GRID2: variants seen among roughly 807,000 people sequenced by gnomAD.
GRID2 encodes glutamate receptor ionotropic, delta-2.
In GRID2, 33 loss-of-function variants were observed where a neutral mutation model predicts 114.8. That is an observed-to-expected ratio of 0.29 (90% CI 0.22 to 0.38). The LOEUF (loss-of-function observed/expected upper bound fraction) is 0.38. GRID2 is among the 10% of genes least tolerant of loss of function. The probability of loss-of-function intolerance (pLI) is 1.00; values close to 1 mark genes in which losing one functional copy is unlikely to be tolerated. For missense variants in GRID2, 1,184 were observed against 1,257.7 expected (o/e 0.94, Z 0.89); for synonymous variants, 505 against 449.9 (o/e 1.12, Z -1.55).
intron 2 of GRID2, among the ~76,000 whole-genome samples, chr4:92,596,112 A>C (rs1728940064): frequency 6.6e-6 from 1 of 152,148 alleles, no homozygotes; most frequent in African/African-American, 2.4e-5. Context: ...CAATTTTGAT[A>C]ACTTCAATTC....
At chr4:92,348,709 G>C (rs1727910389) in intron 1 of GRID2, among the ~76,000 whole-genome samples, 1 of 152,088 alleles carries the variant, frequency 6.6e-6, no homozygotes, top group African/African-American at 2.4e-5. Flanking sequence ...TTTTAAGAAA[G>C]TTTCAGGTAT....
chr4:93,250,247 A>G (rs1748710436), intron 8 of GRID2, among the ~76,000 whole-genome samples: 1 of 152,158 alleles, frequency 6.6e-6, no homozygotes, highest in Non-Finnish European at 1.5e-5. Context: ...ACGCAGGAAC[A>G]GAAAACCAAA....
intron 12 of GRID2, among the ~76,000 whole-genome samples, chr4:93,495,273 C>G (rs987610113): frequency 6.6e-6 from 1 of 151,754 alleles, no homozygotes; most frequent in Admixed American, 6.6e-5. Context: ...CATAAATATT[C>G]TATTACTAAA....
chr4:93,648,783 T>C (rs1369098245), intron 14 of GRID2, among the ~76,000 whole-genome samples: 1 of 152,230 alleles, frequency 6.6e-6, no homozygotes, highest in African/African-American at 2.4e-5. Flanking sequence ...TAATACATGG[T>C]CTTTGACTTC....
chr4:93,049,036 G>T (rs1017347901), intron 2 of GRID2, among the ~76,000 whole-genome samples: 1 of 151,890 alleles, frequency 6.6e-6, no homozygotes, highest in Non-Finnish European at 1.5e-5. Context: ...TCATCTGGGT[G>T]AATATGTCCA....
chr4:92,978,314 A>T (rs140722963), intron 2 of GRID2, among the ~76,000 whole-genome samples: 1 of 150,518 alleles, frequency 6.6e-6, no homozygotes, highest in Non-Finnish European at 1.5e-5. Context: ...ACATTTTTCC[A>T]CAGTTTGATT....
At chr4:92,651,876 C>T (rs1037219627) in intron 2 of GRID2, among the ~76,000 whole-genome samples, 2 of 152,126 alleles carry the variant, frequency 1.3e-5, no homozygotes, top group Non-Finnish European at 2.9e-5. Context: ...GCATATTGTG[C>T]AGAACCCTCT....
intron 2 of GRID2, among the ~76,000 whole-genome samples, chr4:93,037,016 C>T (rs1203823886): frequency 6.6e-6 from 1 of 152,126 alleles, no homozygotes; most frequent in Non-Finnish European, 1.5e-5. Context: ...TATAGCTCTT[C>T]TGGTAATTAC....
chr4:93,506,763 C>T (rs982289824), intron 12 of GRID2, among the ~76,000 whole-genome samples: 3 of 152,144 alleles, frequency 2.0e-5, no homozygotes, highest in African/African-American at 7.2e-5. Context: ...TCTCCATTTC[C>T]CAAAATGGAG....
intron 2 of GRID2, among the ~76,000 whole-genome samples, chr4:92,834,915 G>A (rs915422108): frequency 3.3e-5 from 5 of 152,124 alleles, no homozygotes; most frequent in Non-Finnish European, 7.4e-5. Context: ...AATGTATCAA[G>A]TGAAACTGCC....
At chr4:92,806,554 T>A (rs1740425028) in intron 2 of GRID2, among the ~76,000 whole-genome samples, 1 of 151,858 alleles carries the variant, frequency 6.6e-6, no homozygotes, top group African/African-American at 2.4e-5. Context: ...AAGTAATGTA[T>A]CTTATTTGAA....
At chr4:92,871,179 C>A (rs1188211625) in intron 2 of GRID2, among the ~76,000 whole-genome samples, 1 of 151,904 alleles carries the variant, frequency 6.6e-6, no homozygotes, top group Non-Finnish European at 1.5e-5. Context: ...GTTTAACATT[C>A]TGACTTGGTC....
At chr4:93,460,241 T>C (rs1228479778) in intron 11 of GRID2, among the ~76,000 whole-genome samples, 1 of 152,204 alleles carries the variant, frequency 6.6e-6, no homozygotes, top group African/African-American at 2.4e-5. Context: ...CAATATTCCA[T>C]CACCTGGCTC....
chr4:92,934,248 C>T lies in GRID2; in HGVS notation c.245-150747C>T, dbSNP rs1002372967. On this transcript the variant is annotated intron_variant, in intron 2 of 15. Coordinates refer to ENST00000282020, the MANE Select transcript of GRID2 (RefSeq NM_001510.4). ...TAGTTCTCCTTGAAGAGATCCTTCACGTCCCTTGTAAGTTGGATTCCTAGG... is the reference window on the plus strand; with the variant it reads ...TAGTTCTCCTTGAAGAGATCCTTCATGTCCCTTGTAAGTTGGATTCCTAGG... 1.1e-4 allele frequency among the ~76,000 whole-genome samples: 17 copies of T among 151,900 alleles called. No individual in the cohort carries two copies. The East Asian group carries it at 1.2e-3, about 10-fold the overall frequency.
At chr4:92,656,431 A>G (rs1262623870) in intron 2 of GRID2, among the ~76,000 whole-genome samples, 3 of 151,564 alleles carry the variant, frequency 2.0e-5, no homozygotes, top group Non-Finnish European at 4.4e-5. Context: ...AGAACAGTAC[A>G]TTCTAGCAAG....
At chr4:93,241,392 C>T (rs144659848) in intron 8 of GRID2, among the ~76,000 whole-genome samples, 4 of 151,510 alleles carry the variant, frequency 2.6e-5, no homozygotes, top group Admixed American at 1.3e-4. Context: ...TTATCAATCT[C>T]GGAGAGAAAA....
chr4:92,673,989 A>T (rs1358867298), intron 2 of GRID2, among the ~76,000 whole-genome samples: 3 of 151,054 alleles, frequency 2.0e-5, no homozygotes, highest in Admixed American at 1.3e-4. Flanking sequence ...ATAAAAAATA[A>T]ATAAAAAAAG....
chr4:92,335,297 T>C (rs1001188244), intron 1 of GRID2, among the ~76,000 whole-genome samples: 5 of 152,186 alleles, frequency 3.3e-5, no homozygotes, highest in African/African-American at 1.2e-4. Flanking sequence ...ACTTGCTGTG[T>C]GACCTACAGT....
chr4:93,258,108 A>G (rs577493995), intron 8 of GRID2, among the ~76,000 whole-genome samples: 1 of 151,212 alleles, frequency 6.6e-6, no homozygotes, highest in Non-Finnish European at 1.5e-5. Context: ...TCAATTGCAG[A>G]CCATACATTA....
Sources: allele counts gnomAD v4.1 joint callset (sites outside exome capture counted in the v4.1 genomes callset), GRCh38; gene constraint gnomAD v4.1.1; transcripts MANE v1.5; gene names NCBI Gene and HGNC (gene_info 2026-07-23, HGNC 2026-07-21).